The following FER1L6 variants were observed in gnomAD, a reference collection of about 807,000 sequenced individuals.
FER1L6 encodes fer-1-like protein 6.
In FER1L6, 177 loss-of-function variants were observed where a neutral mutation model predicts 219.2. The observed-to-expected ratio is 0.81, with a 90% CI of 0.71 to 0.91. The LOEUF (loss-of-function observed/expected upper bound fraction) is 0.91, where lower values mean the gene tolerates loss of function less well. FER1L6 is among the 40% of genes least tolerant of loss of function. FER1L6 has a pLI of 0.00. For synonymous variants in FER1L6, 768 were observed against 824.3 expected (o/e 0.93, Z 1.17); for missense variants, 2,153 against 2,259.9 (o/e 0.95, Z 0.96).
chr8:123,890,029 C>G, intron 1 of FER1L6, among the ~76,000 whole-genome samples: 1 of 152,076 alleles, frequency 6.6e-6, no homozygotes, highest in African/African-American at 2.4e-5. Context: ...TAACATTGCT[C>G]ATAGTTAAAG....
intron 1 of FER1L6, among the ~76,000 whole-genome samples, chr8:123,879,829 G>C (rs1817074805): frequency 6.6e-6 from 1 of 152,096 alleles, no homozygotes; most frequent in Non-Finnish European, 1.5e-5. Flanking sequence ...TCCACTCCCA[G>C]CTCTGCCAGG....
intron 23 of FER1L6, 57 bp from the exon 24 acceptor site, chr8:124,060,491 C>A: frequency 6.3e-7 from 1 of 1,595,946 alleles, no homozygotes; most frequent in Non-Finnish European, 8.6e-7. Flanking sequence ...AGAGCCAGGG[C>A]AGGTGTGGGG....
intron 38 of FER1L6, among the ~76,000 whole-genome samples, chr8:124,102,798 C>G (rs928553406): frequency 1.3e-5 from 2 of 152,120 alleles, no homozygotes; most frequent in Non-Finnish European, 2.9e-5. Context: ...AGTGCTAAAG[C>G]AGGGGAAGGC....
At chr8:123,893,278 G>A (rs995357098) in intron 1 of FER1L6, among the ~76,000 whole-genome samples, 3 of 152,142 alleles carry the variant, frequency 2.0e-5, no homozygotes, top group Non-Finnish European at 4.4e-5. Flanking sequence ...TACCAGATTA[G>A]AGAGAAAACT....
At chr8:123,890,139 A>G (rs906870542) in intron 1 of FER1L6, among the ~76,000 whole-genome samples, 1 of 152,094 alleles carries the variant, frequency 6.6e-6, no homozygotes, top group African/African-American at 2.4e-5. Flanking sequence ...AAATGTTTGC[A>G]TTTCTTTGTT....
chr8:124,004,446 G>T (rs1040702676), intron 13 of FER1L6, among the ~76,000 whole-genome samples: 1 of 152,074 alleles, frequency 6.6e-6, no homozygotes, highest in Non-Finnish European at 1.5e-5. Flanking sequence ...ACATCTCTAC[G>T]CTCCTCAGTC....
At chr8:124,045,994 C>G in intron 21 of FER1L6, 93 bp downstream of exon 21, 1 of 1,478,052 alleles carries the variant, frequency 6.8e-7, no homozygotes, top group Non-Finnish European at 9.2e-7. Flanking sequence ...AAAGTCCTGA[C>G]GCTGTGAGTG....
rs377282489 is a variant in FER1L6 at position 123,986,184 on chromosome 8, C to T, written c.1519+8C>T. ...GCTTTGAAGTTTCTATTGGTAAGTA[C>T]AGATAAGCACAGTGCCAGGCACATA... On this transcript the variant is annotated splice_region_variant and intron_variant, in intron 12 of 40. Coordinates refer to ENST00000522917, the MANE Select transcript of FER1L6 (RefSeq NM_001039112.2). The T allele has an allele frequency of 6.8e-7, 1 of 1,479,604 alleles. No individual in the cohort carries two copies. 91.7% of individuals were successfully genotyped at this position (1,479,604 alleles called of 1,614,324 possible). A position where few individuals can be genotyped will look rare whatever the true frequency, so the allele number is the denominator to read the frequency against.
At chr8:123,983,615 ATG>A (rs1816422573) in intron 11 of FER1L6, among the ~76,000 whole-genome samples, 1 of 152,216 alleles carries the variant, frequency 6.6e-6, no homozygotes, top group South Asian at 2.1e-4. Flanking sequence ...AGAGAGCTGG[ATG>A]TAAATTGTGG....
At chr8:123,977,302 C>G (rs906461512) in intron 9 of FER1L6, 115 bp from the exon 10 acceptor site, 3 of 1,044,130 alleles carry the variant, frequency 2.9e-6, no homozygotes, top group Non-Finnish European at 4.2e-6. Flanking sequence ...TCGTGGGTGT[C>G]AGAAGCAGGT....
chr8:123,966,133 G>A, intron 4 of FER1L6, 26 bp from the exon 5 acceptor site: 1 of 1,613,940 alleles, frequency 6.2e-7, no homozygotes, highest in Non-Finnish European at 8.5e-7. Context: ...TGTCCGGAAT[G>A]GTGTCCACAC....
chr8:123,887,579 T>G (rs949302771), intron 1 of FER1L6, among the ~76,000 whole-genome samples: 1 of 152,212 alleles, frequency 6.6e-6, no homozygotes, highest in Non-Finnish European at 1.5e-5. Flanking sequence ...GGTCTGCTCC[T>G]CTCAATCTGG....
intron 1 of FER1L6, among the ~76,000 whole-genome samples, chr8:123,913,411 G>A (rs1813097472): frequency 6.6e-6 from 1 of 152,044 alleles, no homozygotes; most frequent in Non-Finnish European, 1.5e-5. Context: ...AAAGAAAATA[G>A]GAGCATTTTC....
intron 2 of FER1L6, among the ~76,000 whole-genome samples, chr8:123,959,762 G>C (rs1159605753): frequency 6.6e-6 from 1 of 152,188 alleles, no homozygotes; most frequent in Non-Finnish European, 1.5e-5. Context: ...ATGGCTTCAG[G>C]AGTGTCTGAA....
At chr8:123,933,949 C>CTG (rs1391869190) in intron 1 of FER1L6, among the ~76,000 whole-genome samples, 2 of 152,116 alleles carry the variant, frequency 1.3e-5, no homozygotes, top group African/African-American at 4.8e-5. Flanking sequence ...CATCTGTTTT[C>CTG]TGTTTTCTCT....
rs1035658993 is a variant in FER1L6, at chr8:123,967,508, G to T, written c.384+1218G>T. Among the ~76,000 whole-genome samples, 4 of 152,034 alleles carry T rather than the reference G, an allele frequency of 2.6e-5. No homozygotes were observed. The East Asian group carries it at 7.7e-4, about 29-fold the overall frequency. On this transcript the variant is annotated intron_variant, in intron 5 of 40. Transcript: ENST00000522917. ...GCTACTACTTATAATAGTATAACTG[G>T]GTCACAAGGTATATGCATTTAAAAT... is the stretch of plus-strand genomic sequence containing the variant.
At chr8:124,002,434 C>T (rs572289520) in intron 12 of FER1L6, among the ~76,000 whole-genome samples, 1 of 152,310 alleles carries the variant, frequency 6.6e-6, no homozygotes, top group African/African-American at 2.4e-5. Context: ...GATCCTGAAC[C>T]TTTCTTGATT....
At chr8:124,116,664 A>T (rs975509454) in intron 39 of FER1L6, among the ~76,000 whole-genome samples, 2 of 152,202 alleles carry the variant, frequency 1.3e-5, no homozygotes, top group Non-Finnish European at 2.9e-5. Context: ...GTTGATTTCT[A>T]TTCTCTCTTC....
chr8:124,003,029 G>C, intron 12 of FER1L6, 138 bp from the exon 13 acceptor site: 1 of 677,890 alleles, frequency 1.5e-6, no homozygotes, highest in South Asian at 2.1e-5. Context: ...TTGTTGGTCT[G>C]ATCATTGCTC....
Sources: gnomAD v4.1 joint callset for allele counts (sites outside exome capture counted in the v4.1 genomes callset) on GRCh38, gnomAD v4.1.1 for gene constraint, MANE v1.5 for transcripts, NCBI Gene and HGNC (gene_info 2026-07-23, HGNC 2026-07-21) for gene names.